ATP2A2: variants seen among roughly 807,000 people sequenced by gnomAD.
ATP2A2 encodes the protein sarcoplasmic/endoplasmic reticulum calcium ATPase 2.
Under a neutral mutation model 109.3 loss-of-function variants are expected in ATP2A2, and 14 were observed. That is an observed-to-expected ratio of 0.13 (90% confidence interval 0.08 to 0.20). ATP2A2 has a LOEUF of 0.20. Ranked by LOEUF, ATP2A2 falls within the 10% of genes least tolerant of loss-of-function variation. The pLI, the probability that ATP2A2 is intolerant of heterozygous loss-of-function variation, is 1.00. For missense variants in ATP2A2, 657 were observed against 1,321.6 expected, an observed-to-expected ratio of 0.50 and a Z score of 7.80; for synonymous variants, 506 against 490.9, an observed-to-expected ratio of 1.03 and a Z score of -0.41.
intron 5 of ATP2A2, among the ~76,000 whole-genome samples, chr12:110,303,402 TTTTG>T (rs201303666): frequency 3.5e-4 from 53 of 151,726 alleles, no homozygotes; most frequent in East Asian, 1.2e-3. Context: ...TTGCTTGCTT[TTTTG>T]TTTGTTTGTT....
intron 3 of ATP2A2, among the ~76,000 whole-genome samples, chr12:110,289,779 G>C (rs752940249): frequency 2.6e-5 from 4 of 151,900 alleles, no homozygotes; most frequent in Non-Finnish European, 4.4e-5. Flanking sequence ...CATTAGATGT[G>C]GTTAACACTG....
At chr12:110,298,851 TA>T (rs1412859683) in intron 5 of ATP2A2, among the ~76,000 whole-genome samples, 1 of 152,274 alleles carries the variant, frequency 6.6e-6, no homozygotes, top group African/African-American at 2.4e-5. Flanking sequence ...CTTTAACTCC[TA>T]AATAACATTT....
intron 3 of ATP2A2, among the ~76,000 whole-genome samples, chr12:110,286,976 C>T (rs1194311929): frequency 2.0e-5 from 3 of 152,046 alleles, no homozygotes; most frequent in Non-Finnish European, 4.4e-5. Flanking sequence ...TGGCCGGGTG[C>T]AGTGAGTGGC....
Position 110,343,341 on chromosome 12 carries a change from C to T in ATP2A2, c.2428C>T (p.Pro810Ser). ...GLPATALGFNPPDLDIMNKPP... is the reference protein window; with the variant it reads ...GLPATALGFNSPDLDIMNKPP... ...GCCTGCCACTGCACTGGGGTTCAAC[C>T]CTCCTGATCTGGACATCATGAATAA... The change falls in exon 16 of 20, where the codon CCT (proline) becomes TCT (serine). Residue 810 changes from proline to serine, a missense_variant. Transcript: ENST00000539276. 6.2e-7 allele frequency: 1 copy of T among 1,614,226 alleles called. No homozygotes were observed. Among genetic ancestry groups the T allele is most frequent in the Non-Finnish European group, 8.5e-7 (1 of 1,180,046 alleles).
intron 5 of ATP2A2, among the ~76,000 whole-genome samples, chr12:110,304,570 G>C (rs1414495609): frequency 6.6e-6 from 1 of 152,004 alleles, no homozygotes; most frequent in Non-Finnish European, 1.5e-5. Context: ...ATTGTCCATC[G>C]GTGTGTTTTC....
At position 110,311,496 on chromosome 12, in the gene ATP2A2, C is replaced by T. The variant is rs190127776; in HGVS notation, c.464-11496C>T. Among the ~76,000 whole-genome samples the T allele has an allele frequency of 6.1e-5, 9 of 147,892 alleles. No individual in the cohort carries two copies. The East Asian group carries it at 1.0e-3, about 17-fold the overall frequency. On this transcript the variant is annotated intron_variant, in intron 5 of 19. Coordinates refer to ENST00000539276, the MANE Select transcript of ATP2A2 (RefSeq NM_170665.4). ...CCGTAATCCCAGCTACTCGGTAGGC[C>T]GAGGCAGGAGAATTACTTGAACCCA...
chr12:110,342,807 G>A lies in ATP2A2; in HGVS notation c.2318+359G>A, dbSNP rs7971568. On this transcript the variant is annotated intron_variant, in intron 15 of 19. Transcript: ENST00000539276. This position sits in a 1 kb window ranked among gnomAD's most constrained non-coding sequence, Gnocchi z 4.6. ...ACAGTCTCGCTGTCGCCCAGGCTTCGGGCAGTGGCACGATCTCAGCTCACT... is the reference window on the plus strand; with the variant it reads ...ACAGTCTCGCTGTCGCCCAGGCTTCAGGCAGTGGCACGATCTCAGCTCACT... Among the ~76,000 whole-genome samples, 12,285 of 151,816 alleles carry A rather than the reference G, an allele frequency of 0.081. 544 individuals are homozygous for A. Among genetic ancestry groups the A allele is most frequent in the Middle Eastern group, 0.11 (33 of 294 alleles).
chr12:110,346,785 C>T lies in ATP2A2; in HGVS notation c.*315C>T, dbSNP rs967836093. 2.9e-5 allele frequency: 33 copies of T among 1,152,318 alleles called. No homozygotes were observed. The highest frequency in any genetic ancestry group is 3.5e-5 in the Non-Finnish European group (33 of 932,986). The allele number at this position is 1,152,318 out of a possible 1,614,324, so 71.4% of individuals were successfully genotyped here. Reference sequence around the variant, plus strand: ...TGTATAAAAAAAATAGTTGAGCCAGCAGACATTGTCAGCAAATTAATTGGC... The same window carrying T: ...TGTATAAAAAAAATAGTTGAGCCAGTAGACATTGTCAGCAAATTAATTGGC... On this transcript the variant is annotated 3_prime_UTR_variant, in exon 20 of 20. Coordinates refer to ENST00000539276, the MANE Select transcript of ATP2A2 (RefSeq NM_170665.4).
chr12:110,350,187 GTTCCTT>G lies in ATP2A2; in HGVS notation c.*3721_*3726del, dbSNP rs1423558582. 4.5e-5 allele frequency: 72 copies of G among 1,609,362 alleles called. 1 individual carries two copies. In the South Asian group the frequency reaches 7.3e-4, roughly 16 times the overall value. ...AAACCTTGAAAAGATCAAGCTGAAT[GTTCCTT>G]TTCATCTGTCGCTGTTGATCTTCAT... On this transcript the variant is annotated 3_prime_UTR_variant, in exon 20 of 20. Coordinates refer to ENST00000539276, the MANE Select transcript of ATP2A2 (RefSeq NM_170665.4).
intron 11 of ATP2A2, among the ~76,000 whole-genome samples, chr12:110,335,959 T>C (rs1878802600): frequency 6.6e-6 from 1 of 152,208 alleles, no homozygotes; most frequent in South Asian, 2.1e-4. Context: ...TCCTACACTA[T>C]CTTAGAGTGA....
At chr12:110,320,330 A>G (rs1157942891) in intron 5 of ATP2A2, among the ~76,000 whole-genome samples, 2 of 152,258 alleles carry the variant, frequency 1.3e-5, no homozygotes, top group Non-Finnish European at 2.9e-5. Context: ...TAGTGCTTAT[A>G]GATTGACGAC....
intron 15 of ATP2A2, 113 bp from the exon 16 acceptor site, chr12:110,343,119 C>T: frequency 9.2e-7 from 1 of 1,087,568 alleles, no homozygotes; most frequent in Non-Finnish European, 1.4e-6. Flanking sequence ...TTACAGATTA[C>T]CTGAAGTTGT....
In ATP2A2 at chr12:110,349,977, G is replaced by A. The variant is rs974691938; in HGVS notation, c.*3507G>A. The A allele has an allele frequency of 1.9e-5, 25 of 1,291,338 alleles. No homozygotes were observed. Among genetic ancestry groups the A allele is most frequent in the Non-Finnish European group, 2.5e-5 (25 of 1,012,126 alleles). 80.0% of individuals were successfully genotyped at this position (1,291,338 alleles called of 1,614,324 possible). A position where few individuals can be genotyped will look rare whatever the true frequency, so the allele number is the denominator to read the frequency against. On this transcript the variant is annotated 3_prime_UTR_variant, in exon 20 of 20. Coordinates refer to ENST00000539276, the MANE Select transcript of ATP2A2 (RefSeq NM_170665.4). ...CCTCTGCACCACTAACCAAGACCTT[G>A]TCCTCTTGCCTGTCTCGCTGCTTTC...
rs751358352 is a variant in ATP2A2, at chr12:110,327,893, G to A, written c.971G>A (p.Arg324His). ...VITTCLALGT[R>H]RMAKKNAIVR... is the part of the protein sequence containing the mutation. ...ACCACCTGCCTGGCTCTTGGAACTC[G>A]CAGAATGGCAAAGAAAAATGCCATT... The change falls in exon 8 of 20, where the codon CGC (arginine) becomes CAC (histidine). Residue 324 changes from arginine (R) to histidine (H), a missense_variant. Transcript: ENST00000539276. The surrounding 1 kb of genome is among the most constrained non-coding windows in gnomAD (Gnocchi z 4.4). The A allele has an allele frequency of 4.3e-6, 7 of 1,613,962 alleles. No individual in the cohort carries two copies. Among genetic ancestry groups the A allele is most frequent in the East Asian group, 2.2e-5 (1 of 44,886 alleles).
At position 110,326,447 on chromosome 12, in the gene ATP2A2, A is replaced by G; in HGVS notation, c.602A>G (p.Asn201Ser). ...TDPVPDPRAV[N>S]QDKKNMLFSG... ...CCCGTCCCTGACCCACGAGCTGTCA[A>G]CCAAGATAAAAAGAACATGCTGTTT... The change falls in exon 7 of 20, where the codon AAC becomes AGC. Residue 201 changes from asparagine (N) to serine (S), a missense_variant. Asn to Ser is a conservative substitution (Grantham distance 46). Transcript: ENST00000539276. 1 of 1,613,904 alleles carries G rather than the reference A, an allele frequency of 6.2e-7. No homozygotes were observed. Among genetic ancestry groups the G allele is most frequent in the Non-Finnish European group, 8.5e-7 (1 of 1,179,810 alleles).
chr12:110,316,775 G>A (rs1389622862), intron 5 of ATP2A2, among the ~76,000 whole-genome samples: 1 of 152,162 alleles, frequency 6.6e-6, no homozygotes, highest in African/African-American at 2.4e-5. Context: ...ACTATTTATG[G>A]GAGAAGAAAG....
At chr12:110,314,567 G>C (rs947653538) in intron 5 of ATP2A2, among the ~76,000 whole-genome samples, 3 of 152,150 alleles carry the variant, frequency 2.0e-5, no homozygotes, top group African/African-American at 7.2e-5. Flanking sequence ...TTCATGGTAT[G>C]GTTGTGAAAT....
At chr12:110,306,054 C>T (rs988239573) in intron 5 of ATP2A2, among the ~76,000 whole-genome samples, 2 of 152,012 alleles carry the variant, frequency 1.3e-5, no homozygotes, top group African/African-American at 2.4e-5. Flanking sequence ...ATTTTTGAGA[C>T]GGAGTCTCGC....
At chr12:110,332,472 ATTAAAGTTGT>A (rs1455011163) in intron 8 of ATP2A2, 115 bp from the exon 9 acceptor site, 5 of 844,088 alleles carry the variant, frequency 5.9e-6, no homozygotes, top group Non-Finnish European at 1.0e-5. Context: ...AGTGAGTTTT[ATTAAAGTTGT>A]TTTCGTAAAT....
Sources: allele counts gnomAD v4.1 joint callset (sites outside exome capture counted in the v4.1 genomes callset), GRCh38; gene constraint gnomAD v4.1.1; non-coding constraint Gnocchi (gnomAD v3.1); transcripts MANE v1.5; gene names NCBI Gene and HGNC (gene_info 2026-07-23, HGNC 2026-07-21).